Variants in OR9Q1 observed in about 807,000 individuals in gnomAD.
OR9Q1 encodes the protein olfactory receptor 9Q1.
For missense variants in OR9Q1, 374 were observed against 378.8 expected, an observed-to-expected ratio of 0.99 and a Z score of 0.11; for synonymous variants, 153 against 148.6, an observed-to-expected ratio of 1.03 and a Z score of -0.22.
At position 58,103,416 on chromosome 11, in the gene OR9Q1, A is replaced by T. The variant is rs1172831805; in HGVS notation, c.-15+47469A>T. 2.0e-5 allele frequency among the ~76,000 whole-genome samples: 3 copies of T among 152,268 alleles called. No homozygotes were observed. In the East Asian group the frequency reaches 5.8e-4, roughly 29 times the overall value. On this transcript the variant is annotated intron_variant, in intron 2 of 2. Transcript: ENST00000335397. Reference sequence around the variant, plus strand: ...GGTGGGGATATAGGCAAATCATATCAGTATCCAATATTTCTTTTTCATTGT... The same window carrying T: ...GGTGGGGATATAGGCAAATCATATCTGTATCCAATATTTCTTTTTCATTGT...
intron 2 of OR9Q1, among the ~76,000 whole-genome samples, chr11:58,160,817 C>A (rs1010771539): frequency 5.3e-5 from 8 of 152,076 alleles, no homozygotes; most frequent in African/African-American, 1.9e-4. Context: ...CAAGTTCACG[C>A]CCACCATAGT....
chr11:58,053,375 A>C (rs1374072214), intron 1 of OR9Q1, among the ~76,000 whole-genome samples: 2 of 142,758 alleles, frequency 1.4e-5, no homozygotes, highest in Non-Finnish European at 1.5e-5. Context: ...ACATGTTCTC[A>C]CTCATAGGTG....
chr11:58,154,235 A>C (rs1398699945), intron 2 of OR9Q1, among the ~76,000 whole-genome samples: 2 of 152,092 alleles, frequency 1.3e-5, no homozygotes, highest in African/African-American at 4.8e-5. Flanking sequence ...CTTTGAACTG[A>C]AACTCCCTTG....
chr11:58,130,409 T>C (rs1179524305), intron 2 of OR9Q1, among the ~76,000 whole-genome samples: 2 of 152,184 alleles, frequency 1.3e-5, no homozygotes, highest in African/African-American at 4.8e-5. Flanking sequence ...ACAGGAGTGA[T>C]GGCAAACATT....
At chr11:58,030,539 T>C (rs899012765) in intron 1 of OR9Q1, among the ~76,000 whole-genome samples, 5 of 152,214 alleles carry the variant, frequency 3.3e-5, no homozygotes, top group African/African-American at 4.8e-5. Flanking sequence ...CTGTCTCTAC[T>C]TGAAGTTTCC....
chr11:58,135,621 A>G (rs1438388032), intron 2 of OR9Q1, among the ~76,000 whole-genome samples: 3 of 152,196 alleles, frequency 2.0e-5, no homozygotes, highest in Admixed American at 6.5e-5. Flanking sequence ...AGTGTCCAGA[A>G]TAGTGCCTGG....
At chr11:58,132,165 T>C (rs139981231) in intron 2 of OR9Q1, among the ~76,000 whole-genome samples, 4 of 152,350 alleles carry the variant, frequency 2.6e-5, no homozygotes, top group African/African-American at 9.6e-5. Context: ...TCTGTTCTAG[T>C]GTATTTCCTC....
intron 2 of OR9Q1, among the ~76,000 whole-genome samples, chr11:58,112,156 G>T (rs926616246): frequency 6.6e-6 from 1 of 152,170 alleles, no homozygotes; most frequent in African/African-American, 2.4e-5. Context: ...AGCCAGGTGT[G>T]GTGGCCTGTG....
intron 2 of OR9Q1, among the ~76,000 whole-genome samples, chr11:58,154,182 G>A (rs1358089090): frequency 1.7e-5 from 1 of 60,094 alleles, no homozygotes; most frequent in Admixed American, 2.1e-4. Flanking sequence ...AGGAGGAGGG[G>A]AAGGAGGAGG....
chr11:58,146,554 G>T (rs769872297), intron 2 of OR9Q1, among the ~76,000 whole-genome samples: 7 of 152,106 alleles, frequency 4.6e-5, no homozygotes, highest in Non-Finnish European at 8.8e-5. Context: ...ATTAGAACTT[G>T]GGATATAGAT....
chr11:58,092,486 A>G (rs1853693880), intron 2 of OR9Q1, among the ~76,000 whole-genome samples: 1 of 152,074 alleles, frequency 6.6e-6, no homozygotes, highest in African/African-American at 2.4e-5. Context: ...TGAAAAAATG[A>G]TTGTTGCTAT....
At chr11:58,119,126 A>G (rs750914333) in intron 2 of OR9Q1, 9 of 1,613,914 alleles carry the variant, frequency 5.6e-6, no homozygotes. Context: ...GTGCCTGCAC[A>G]GATGGTGAAT....
chr11:58,132,922 C>A (rs909389285), intron 2 of OR9Q1, among the ~76,000 whole-genome samples: 3 of 152,132 alleles, frequency 2.0e-5, no homozygotes, highest in African/African-American at 7.2e-5. Flanking sequence ...AGTGAAGGAT[C>A]CAGTCTAGGA....
intron 2 of OR9Q1, among the ~76,000 whole-genome samples, chr11:58,154,738 T>C (rs887599140): frequency 1.3e-5 from 2 of 152,198 alleles, no homozygotes; most frequent in East Asian, 1.9e-4. Flanking sequence ...ACAATTATTA[T>C]ATATCAATAG....
intron 2 of OR9Q1, among the ~76,000 whole-genome samples, chr11:58,107,073 G>A (rs567690589): frequency 4.8e-4 from 73 of 152,110 alleles, no homozygotes; most frequent in African/African-American, 1.7e-3. Context: ...GAATATTTTA[G>A]TAATATTAAG....
At position 58,181,527 on chromosome 11, in the gene OR9Q1, C is replaced by T. The variant is rs1254764638; in HGVS notation, c.*1150C>T. ...TTTTCATTTAAACAAATTTTTATACCTGGAACTCAAACTTCTTTTCCTGTC... is the reference window on the plus strand; with the variant it reads ...TTTTCATTTAAACAAATTTTTATACTTGGAACTCAAACTTCTTTTCCTGTC... On this transcript the variant is annotated 3_prime_UTR_variant, in exon 3 of 3. Transcript: ENST00000335397. 6.2e-6 allele frequency: 1 copy of T among 161,210 alleles called. No homozygotes were observed. Among genetic ancestry groups the T allele is most frequent in the Non-Finnish European group, 1.5e-5 (1 of 67,544 alleles). The allele number at this position is 161,210 out of a possible 1,614,324, so 10.0% of individuals were successfully genotyped here. A position where few individuals can be genotyped will look rare whatever the true frequency, so the allele number is the denominator to read the frequency against.
At chr11:58,105,318 CAATT>C (rs993092629) in intron 2 of OR9Q1, among the ~76,000 whole-genome samples, 1 of 152,072 alleles carries the variant, frequency 6.6e-6, no homozygotes, top group African/African-American at 2.4e-5. Flanking sequence ...TCTGAAGCAG[CAATT>C]AATTTATACC....
intron 2 of OR9Q1, among the ~76,000 whole-genome samples, chr11:58,168,063 A>C (rs902373597): frequency 4.6e-5 from 7 of 152,220 alleles, no homozygotes; most frequent in African/African-American, 1.7e-4. Context: ...TCTCCTTGAG[A>C]GTTTTATTGG....
chr11:58,066,152 A>G (rs917086304), intron 2 of OR9Q1, among the ~76,000 whole-genome samples: 6 of 149,062 alleles, frequency 4.0e-5, no homozygotes, highest in Admixed American at 2.7e-4. Context: ...ATTAAAAAGC[A>G]TGACCCACTG....
Sources: gnomAD v4.1 joint callset for allele counts (sites outside exome capture counted in the v4.1 genomes callset) on GRCh38, gnomAD v4.1.1 for gene constraint, MANE v1.5 for transcripts, NCBI Gene and HGNC (gene_info 2026-07-23, HGNC 2026-07-21) for gene names.